Variants in RIMBP2 observed in about 807,000 individuals in gnomAD.
RIMBP2 encodes the protein RIMS binding protein 2.
RIMBP2 carries 48 observed loss-of-function variants against 118.6 expected under a neutral mutation model. That is an observed-to-expected ratio of 0.40 (90% CI 0.32 to 0.51). The LOEUF (loss-of-function observed/expected upper bound fraction) is 0.51. RIMBP2 is among the 20% of genes least tolerant of loss of function. The pLI is 0.41. For synonymous variants in RIMBP2, 762 were observed against 742.9 expected (o/e 1.03, Z -0.42); for missense variants, 1,551 against 1,768.3 (o/e 0.88, Z 2.20).
chr12:130,652,821 CAT>C (rs2063283198), intron 1 of RIMBP2, among the ~76,000 whole-genome samples: 3 of 152,178 alleles, frequency 2.0e-5, no homozygotes, highest in African/African-American at 7.2e-5. Context: ...GAAGCCAGCA[CAT>C]CACGTGGCAA....
chr12:130,461,695 C>T (rs1334810687), intron 6 of RIMBP2, among the ~76,000 whole-genome samples: 2 of 151,998 alleles, frequency 1.3e-5, no homozygotes, highest in African/African-American at 2.4e-5. Context: ...TAAGTTCACA[C>T]AAGGTCTGCT....
At chr12:130,713,247 A>AAGGAAGAT (rs1555327795) in intron 1 of RIMBP2, among the ~76,000 whole-genome samples, 5 of 147,868 alleles carry the variant, frequency 3.4e-5, no homozygotes, top group African/African-American at 1.3e-4. Context: ...GGAAGGAAGG[A>AAGGAAGAT]AGGAAGGAAG....
At chr12:130,665,856 T>C (rs2063894440) in intron 1 of RIMBP2, among the ~76,000 whole-genome samples, 1 of 152,206 alleles carries the variant, frequency 6.6e-6, no homozygotes, top group Admixed American at 6.5e-5. Context: ...CCCCTCTTGA[T>C]TATTTCCTGT....
chr12:130,709,984 C>T (rs888565465), intron 1 of RIMBP2, among the ~76,000 whole-genome samples: 4 of 152,124 alleles, frequency 2.6e-5, no homozygotes, highest in Admixed American at 1.3e-4. Flanking sequence ...GACACCATGA[C>T]CAACTCCCCA....
intron 10 of RIMBP2, among the ~76,000 whole-genome samples, chr12:130,443,483 TACCCACAG>T (rs2078295476): frequency 6.6e-6 from 1 of 152,092 alleles, no homozygotes; most frequent in African/African-American, 2.4e-5. Context: ...CATCACAAGG[TACCCACAG>T]ACCCACAGAG....
Position 130,442,317 on chromosome 12 carries a change from C to G in RIMBP2, c.1035G>C (p.Thr345=). The change falls in exon 11 of 23, where the codon ACG becomes ACC. Residue 345 remains threonine, a synonymous_variant. Transcript: ENST00000690449. The surrounding 1 kb of genome is among the most constrained non-coding windows in gnomAD (Gnocchi z 6.9). ...EPPAVPPGWG[T]VSSYNVLVDK... is the part of the protein sequence containing the mutation. The stretch of plus-strand genomic sequence containing the variant: ...CCACCAGGACGTTGTAGCTGCTCAC[C>G]GTTCCCCATCCTGGTGGCACCGCCG... The G allele has an allele frequency of 6.2e-7, 1 of 1,614,230 alleles. No individual in the cohort carries two copies. The highest frequency in any genetic ancestry group is 8.5e-7 in the Non-Finnish European group (1 of 1,180,042).
intron 2 of RIMBP2, among the ~76,000 whole-genome samples, chr12:130,600,829 A>G (rs1412265807): frequency 1.3e-5 from 2 of 149,582 alleles, no homozygotes; most frequent in Non-Finnish European, 2.9e-5. Context: ...CTGAAAACTC[A>G]TTTAACTGAA....
chr12:130,624,882 G>A lies in RIMBP2; in HGVS notation c.-217+3440C>T, dbSNP rs573807251. On this transcript the variant is annotated intron_variant, in intron 2 of 22. Coordinates refer to ENST00000690449, the MANE Select transcript of RIMBP2 (RefSeq NM_001393629.1). Reference sequence around the variant, plus strand: ...TGGGATTACAGGCACACGACCCCACGCCCAGCTAATTTTTGTATTTTTAGT... The same window carrying A: ...TGGGATTACAGGCACACGACCCCACACCCAGCTAATTTTTGTATTTTTAGT... 1.1e-4 allele frequency among the ~76,000 whole-genome samples: 17 copies of A among 152,126 alleles called. 1 individual carries two copies. The highest frequency in any genetic ancestry group is 3.9e-4 in the East Asian group (2 of 5,144).
rs914525260 is a variant in RIMBP2 at position 130,703,943 on chromosome 12, G to A, written c.-352+12279C>T. ...TGCCCCAGCTGTGCTCACCGGTGAG[G>A]GGAACACACCACCTTCCTGCTACTT... On this transcript the variant is annotated intron_variant, in intron 1 of 22. Coordinates refer to ENST00000690449, the MANE Select transcript of RIMBP2 (RefSeq NM_001393629.1). The surrounding 1 kb of genome is among the most constrained non-coding windows in gnomAD (Gnocchi z 5.7). 6.6e-5 allele frequency among the ~76,000 whole-genome samples: 10 copies of A among 152,094 alleles called. No individual in the cohort carries two copies. Among genetic ancestry groups the A allele is most frequent in the African/African-American group, 2.4e-4 (10 of 41,414 alleles).
chr12:130,581,603 C>T lies in RIMBP2; in HGVS notation c.-217+46719G>A, dbSNP rs1056391727. 6.6e-6 allele frequency among the ~76,000 whole-genome samples: 1 copy of T among 152,238 alleles called. No individual in the cohort carries two copies. The highest frequency in any genetic ancestry group is 6.5e-5 in the Admixed American group (1 of 15,284). On this transcript the variant is annotated intron_variant, in intron 2 of 22. Transcript: ENST00000690449. The surrounding 1 kb of genome is among the most constrained non-coding windows in gnomAD (Gnocchi z 4.4). ...TTCCAGGCTCTCGCGGCTCAGGCCT[C>T]AGACCTGTCGCCTTCCTTCCTCTGT...
At chr12:130,686,986 G>A (rs2065082042) in intron 1 of RIMBP2, among the ~76,000 whole-genome samples, 1 of 152,244 alleles carries the variant, frequency 6.6e-6, no homozygotes, top group East Asian at 1.9e-4. Flanking sequence ...GCTGCAAAGC[G>A]CAGCGATTAG....
chr12:130,506,038 A>AT (rs1453570145), intron 4 of RIMBP2, among the ~76,000 whole-genome samples: 2 of 121,604 alleles, frequency 1.6e-5, no homozygotes, highest in African/African-American at 3.0e-5. Context: ...GGAGATGATT[A>AT]TTTTTTTATT....
intron 2 of RIMBP2, among the ~76,000 whole-genome samples, chr12:130,531,415 T>A (rs1046543575): frequency 6.6e-6 from 1 of 152,254 alleles, no homozygotes; most frequent in Non-Finnish European, 1.5e-5. Context: ...TTCTATTCTA[T>A]GTAAATGTAA....
At chr12:130,440,453 C>T (rs1183779320) in intron 11 of RIMBP2, among the ~76,000 whole-genome samples, 2 of 152,196 alleles carry the variant, frequency 1.3e-5, no homozygotes, top group Non-Finnish European at 2.9e-5. Flanking sequence ...TGGGGTGAGC[C>T]TGGGGACCCA....
chr12:130,489,873 T>C (rs1374489107), intron 4 of RIMBP2, among the ~76,000 whole-genome samples: 2 of 152,096 alleles, frequency 1.3e-5, no homozygotes, highest in African/African-American at 4.8e-5. Flanking sequence ...TAAAAGTGAA[T>C]TAAGCACTTT....
intron 2 of RIMBP2, among the ~76,000 whole-genome samples, chr12:130,529,185 T>TGAACCTCAAAAAATGACATGCTGATTCAC (rs2053119538): frequency 9.2e-6 from 1 of 108,664 alleles, no homozygotes; most frequent in African/African-American, 4.0e-5. Context: ...TGCTGATTCA[T>TGAACCTCAAAAAATGACATGCTGATTCAC]GCCACAACAG....
At chr12:130,676,772 C>T (rs2064507015) in intron 1 of RIMBP2, among the ~76,000 whole-genome samples, 1 of 152,166 alleles carries the variant, frequency 6.6e-6, no homozygotes, top group African/African-American at 2.4e-5. Context: ...CGGTTCCAGA[C>T]CCACAGGCTT....
chr12:130,685,611 G>A lies in RIMBP2; in HGVS notation c.-352+30611C>T, dbSNP rs151156858. ...AGCCCAGGCAGGAAGGGAGCCGTGT[G>A]GCCGCCGTGGCTCATGGCAATGCTG... On this transcript the variant is annotated intron_variant, in intron 1 of 22. Coordinates refer to ENST00000690449, the MANE Select transcript of RIMBP2 (RefSeq NM_001393629.1). 3.0e-4 allele frequency among the ~76,000 whole-genome samples: 46 copies of A among 152,246 alleles called. No homozygotes were observed. The East Asian group carries it at 8.8e-3, about 29-fold the overall frequency.
intron 2 of RIMBP2, among the ~76,000 whole-genome samples, chr12:130,545,813 C>T (rs1473081612): frequency 6.6e-6 from 1 of 152,222 alleles, no homozygotes; most frequent in Non-Finnish European, 1.5e-5. Flanking sequence ...CACGTGAGAA[C>T]GTGTGGGTCC....
Sources: allele counts gnomAD v4.1 joint callset (sites outside exome capture counted in the v4.1 genomes callset), GRCh38; gene constraint gnomAD v4.1.1; non-coding constraint Gnocchi (gnomAD v3.1); transcripts MANE v1.5; gene names NCBI Gene and HGNC (gene_info 2026-07-23, HGNC 2026-07-21).